Variants in GTF2H3 observed in about 807,000 individuals in gnomAD.
GTF2H3 encodes the protein general transcription factor IIH subunit 3, also known as TFIIH basal transcription factor complex p34 subunit.
GTF2H3 carries 42 observed loss-of-function variants against 51.1 expected under a neutral mutation model. The ratio of observed to expected loss-of-function variants is 0.82; its 90% CI spans 0.64 to 1.06. The LOEUF (loss-of-function observed/expected upper bound fraction) is 1.06, where lower values mean the gene tolerates loss of function less well. Among genes scored for constraint, GTF2H3 ranks in the 50% least tolerant of loss-of-function variants. The pLI, the probability that GTF2H3 is intolerant of heterozygous loss-of-function variation, is 0.00. For missense variants in GTF2H3, 326 were observed against 366.1 expected, an observed-to-expected ratio of 0.89 and a Z score of 0.89; for synonymous variants, 123 against 123.8, an observed-to-expected ratio of 0.99 and a Z score of 0.04.
chr12:123,641,293 C>T (rs1398560723), intron 2 of GTF2H3, among the ~76,000 whole-genome samples: 2 of 148,062 alleles, frequency 1.4e-5, no homozygotes, highest in African/African-American at 2.5e-5. Flanking sequence ...GTGGTGTGAT[C>T]TCTGCTCACT....
intron 8 of GTF2H3, chr12:123,655,505 G>T: frequency 2.4e-6 from 1 of 419,282 alleles, no homozygotes; most frequent in Non-Finnish European, 4.3e-6. Flanking sequence ...CTCTGTTGTG[G>T]AGTGGCAGCA....
chr12:123,648,381 G>C, intron 4 of GTF2H3: 1 of 275,674 alleles, frequency 3.6e-6, no homozygotes. Context: ...CTCTTTTCTT[G>C]AAACATTATT....
At chr12:123,643,793 A>C (rs1477741340) in intron 2 of GTF2H3, among the ~76,000 whole-genome samples, 2 of 152,028 alleles carry the variant, frequency 1.3e-5, no homozygotes, top group African/African-American at 4.8e-5. Flanking sequence ...TAGAAATTTT[A>C]ATAGATTTAA....
At chr12:123,657,257 C>A (rs1410738793) in intron 9 of GTF2H3, among the ~76,000 whole-genome samples, 1 of 152,034 alleles carries the variant, frequency 6.6e-6, no homozygotes, top group African/African-American at 2.4e-5. Flanking sequence ...TTGCTTAAAA[C>A]CCTCCCATAG....
At position 123,654,870 on chromosome 12, in the gene GTF2H3, G is replaced by A. The variant is rs1247576203; in HGVS notation, c.487-54G>A. 4.3e-6 allele frequency: 5 copies of A among 1,168,338 alleles called. No homozygotes were observed. In the East Asian group the frequency reaches 7.0e-5, roughly 16 times the overall value. 72.4% of individuals were successfully genotyped at this position (1,168,338 alleles called of 1,614,324 possible). A position where few individuals can be genotyped will look rare whatever the true frequency, so the allele number is the denominator to read the frequency against. ...GTTCGCAGTATATTGTGTGACATTG[G>A]TGTGAGAGGACTGGCATGTGCCTGG... is the stretch of plus-strand genomic sequence containing the variant. On this transcript the variant is annotated intron_variant, in intron 7 of 12. Coordinates refer to ENST00000543341, the MANE Select transcript of GTF2H3 (RefSeq NM_001516.5).
chr12:123,634,703 C>G (rs886786033), intron 1 of GTF2H3, among the ~76,000 whole-genome samples: 3 of 152,082 alleles, frequency 2.0e-5, no homozygotes, highest in African/African-American at 7.2e-5. Context: ...GGAGAGCTTG[C>G]GGGTAGAGGA....
chr12:123,654,554 T>G (rs1333841255), intron 7 of GTF2H3, among the ~76,000 whole-genome samples: 1 of 151,540 alleles, frequency 6.6e-6, no homozygotes, highest in Non-Finnish European at 1.5e-5. Context: ...TTTTTGGGTG[T>G]GTGTGTGTAT....
At position 123,659,698 on chromosome 12, in the gene GTF2H3, T is replaced by G. The variant is rs1024491445; in HGVS notation, c.685-97T>G. ...CTAGTACTCAGGAGAAGGGAATAAA[T>G]GGAGGCCTTGGAGTTCCAAGGCCTA... On this transcript the variant is annotated intron_variant, in intron 10 of 12. Coordinates refer to ENST00000543341, the MANE Select transcript of GTF2H3 (RefSeq NM_001516.5). 6 of 1,440,080 alleles carry G rather than the reference T, an allele frequency of 4.2e-6. No individual in the cohort carries two copies. The African/African-American group carries it at 8.5e-5, about 20-fold the overall frequency. 89.2% of individuals were successfully genotyped at this position (1,440,080 alleles called of 1,614,324 possible). A position where few individuals can be genotyped will look rare whatever the true frequency, so the allele number is the denominator to read the frequency against.
At chr12:123,645,640 C>G in intron 3 of GTF2H3, 79 bp downstream of exon 3, 1 of 749,336 alleles carries the variant, frequency 1.3e-6, no homozygotes, top group South Asian at 1.6e-5. Flanking sequence ...TGTATTGTTC[C>G]TACTCCATGT....
chr12:123,652,939 G>C (rs1041563167), intron 7 of GTF2H3, among the ~76,000 whole-genome samples: 1 of 151,884 alleles, frequency 6.6e-6, no homozygotes, highest in Non-Finnish European at 1.5e-5. Context: ...TTAGCTGGGC[G>C]TGGTGGTGCA....
At chr12:123,638,466 C>T (rs558815005) in intron 1 of GTF2H3, among the ~76,000 whole-genome samples, 2 of 152,166 alleles carry the variant, frequency 1.3e-5, no homozygotes, top group African/African-American at 4.8e-5. Context: ...CCACCGCGCC[C>T]GGCCCTAATT....
At chr12:123,645,903 G>A (rs899378817) in intron 3 of GTF2H3, among the ~76,000 whole-genome samples, 1 of 152,188 alleles carries the variant, frequency 6.6e-6, no homozygotes. Context: ...AGTTAGATGG[G>A]AGATGTGATT....
intron 7 of GTF2H3, among the ~76,000 whole-genome samples, chr12:123,654,250 G>A (rs1209320808): frequency 8.4e-6 from 1 of 119,316 alleles, no homozygotes; most frequent in African/African-American, 3.2e-5. Flanking sequence ...TATTTGGGGT[G>A]TGTATATTTT....
intron 4 of GTF2H3, 52 bp from the exon 5 acceptor site, chr12:123,650,942 A>C: frequency 8.7e-7 from 1 of 1,154,762 alleles, no homozygotes; most frequent in Non-Finnish European, 1.3e-6. Context: ...CAATGATTTT[A>C]GTTCAAGAAA....
chr12:123,636,334 T>C (rs1158622577), intron 1 of GTF2H3, among the ~76,000 whole-genome samples: 4 of 152,004 alleles, frequency 2.6e-5, no homozygotes, highest in South Asian at 2.1e-4. Context: ...GAAGAAAGAG[T>C]TTGCGCTGGT....
Position 123,659,602 on chromosome 12 carries a change from G to A in GTF2H3, c.684+18G>A. 6.2e-7 allele frequency: 1 copy of A among 1,611,398 alleles called. No individual in the cohort carries two copies. On this transcript the variant is annotated intron_variant, in intron 10 of 12. Transcript: ENST00000543341. The stretch of plus-strand genomic sequence containing the variant: ...ATTTGCTGGTAAGGAGACAGCAGCG[G>A]CGACCCTGATGCCTGGAGGGAAGGA...
In GTF2H3 at chr12:123,641,344, G is replaced by C. The variant is rs149360905; in HGVS notation, c.93+2001G>C. 3.9e-3 allele frequency among the ~76,000 whole-genome samples: 597 copies of C among 151,710 alleles called. 4 individuals carry two copies. Among genetic ancestry groups the C allele is most frequent in the African/African-American group, 0.014 (575 of 41,342 alleles). On this transcript the variant is annotated intron_variant, in intron 2 of 12. Coordinates refer to ENST00000543341, the MANE Select transcript of GTF2H3 (RefSeq NM_001516.5). Reference sequence around the variant, plus strand: ...CGGTTCAAGCGATTCTTCTGCCTCAGTCTCCCAAGTAGCTGGGACCACAGG... The same window carrying C: ...CGGTTCAAGCGATTCTTCTGCCTCACTCTCCCAAGTAGCTGGGACCACAGG...
chr12:123,649,233 G>T (rs768743940), intron 4 of GTF2H3: 1 of 152,202 alleles, frequency 6.6e-6, no homozygotes, highest in Non-Finnish European at 1.5e-5. Flanking sequence ...CTTCCAAAGG[G>T]CTGGAATTAC....
intron 2 of GTF2H3, among the ~76,000 whole-genome samples, chr12:123,643,283 A>G (rs1450885263): frequency 1.3e-5 from 2 of 152,206 alleles, no homozygotes; most frequent in African/African-American, 4.8e-5. Flanking sequence ...TATAAAGAGT[A>G]TTGTGCATTT....
Sources: gnomAD v4.1 joint callset for allele counts (sites outside exome capture counted in the v4.1 genomes callset) on GRCh38, gnomAD v4.1.1 for gene constraint, MANE v1.5 for transcripts, NCBI Gene and HGNC (gene_info 2026-07-23, HGNC 2026-07-21) for gene names.